Variants in SYT16 observed in about 807,000 individuals in gnomAD.
The protein encoded by SYT16 is synaptotagmin-16.
In SYT16, 42 loss-of-function variants were observed where a neutral mutation model predicts 61.4. The observed-to-expected ratio is 0.68, with a 90% CI of 0.53 to 0.89. The LOEUF (loss-of-function observed/expected upper bound fraction) is 0.89. Ranked by LOEUF, SYT16 falls within the 40% of genes least tolerant of loss-of-function variation. The probability of loss-of-function intolerance (pLI) is 0.00; values close to 1 mark genes in which losing one functional copy is unlikely to be tolerated. For synonymous variants in SYT16, 314 were observed against 302.3 expected (o/e 1.04, Z -0.40); for missense variants, 804 against 807.3 (o/e 1.00, Z 0.05).
At chr14:61,914,140 G>A (rs1252007303) in intron 1 of SYT16, among the ~76,000 whole-genome samples, 2 of 152,126 alleles carry the variant, frequency 1.3e-5, no homozygotes, top group African/African-American at 4.8e-5. Context: ...GTTTGGGATA[G>A]CATTAATTTC....
chr14:62,035,529 C>T (rs2054473905), intron 3 of SYT16, among the ~76,000 whole-genome samples: 1 of 152,062 alleles, frequency 6.6e-6, no homozygotes, highest in African/African-American at 2.4e-5. Flanking sequence ...ATATCAATTT[C>T]CAGGTTTAGG....
intron 1 of SYT16, among the ~76,000 whole-genome samples, chr14:61,821,860 C>T (rs553627724): frequency 6.6e-6 from 1 of 152,328 alleles, no homozygotes; most frequent in East Asian, 1.9e-4. Context: ...ATATCTACTT[C>T]TTCAATTAGA....
At chr14:61,907,893 C>T (rs149985083) in intron 1 of SYT16, among the ~76,000 whole-genome samples, 52 of 152,300 alleles carry the variant, frequency 3.4e-4, no homozygotes, top group African/African-American at 1.0e-3. Flanking sequence ...AGTGAGCTTA[C>T]GTCGTGTTCC....
chr14:62,036,255 A>T (rs946403482), intron 3 of SYT16, among the ~76,000 whole-genome samples: 3 of 152,156 alleles, frequency 2.0e-5, no homozygotes, highest in Admixed American at 2.0e-4. Flanking sequence ...GGGAGCAGAG[A>T]CATCCTGGGC....
intron 1 of SYT16, among the ~76,000 whole-genome samples, chr14:61,888,119 T>C (rs2047979197): frequency 1.4e-5 from 2 of 148,098 alleles, no homozygotes; most frequent in Non-Finnish European, 3.0e-5. Context: ...TAATTTCTTT[T>C]CTTTTCTTTT....
chr14:61,915,422 G>A (rs1411106257), intron 1 of SYT16, among the ~76,000 whole-genome samples: 1 of 151,932 alleles, frequency 6.6e-6, no homozygotes. Flanking sequence ...ATTCCCTACT[G>A]CCAGAAATTC....
intron 3 of SYT16, among the ~76,000 whole-genome samples, chr14:62,011,872 TATACAC>T (rs1347496054): frequency 5.2e-5 from 7 of 135,872 alleles, no homozygotes; most frequent in Admixed American, 2.9e-4. Context: ...GAACACTATA[TATACAC>T]ACACACACAC....
chr14:61,839,189 A>G (rs79541843), intron 1 of SYT16, among the ~76,000 whole-genome samples: 3,235 of 152,246 alleles, frequency 0.021, 62 homozygotes, highest in Admixed American at 0.037. Context: ...CATTATTGAG[A>G]TGTGTGGCCA....
rs1272956070 is a variant in SYT16, at chr14:62,107,341, G to A, written c.*6634G>A. On this transcript the variant is annotated 3_prime_UTR_variant, in exon 8 of 8. Coordinates refer to ENST00000683842, the MANE Select transcript of SYT16 (RefSeq NM_001367656.1). ...CCAGCTCCTCAGGAAGCTGAGGTGG[G>A]AGGATTGCTTGAACCTGTGAGGTCA... 1 of 152,122 alleles carries A rather than the reference G, an allele frequency of 6.6e-6. No individual in the cohort carries two copies. Among genetic ancestry groups the A allele is most frequent in the Non-Finnish European group, 1.5e-5 (1 of 68,120 alleles). 9.4% of individuals were successfully genotyped at this position (152,122 alleles called of 1,614,324 possible).
intron 3 of SYT16, among the ~76,000 whole-genome samples, chr14:62,052,939 C>G (rs980114062): frequency 3.9e-5 from 6 of 152,156 alleles, no homozygotes; most frequent in African/African-American, 1.4e-4. Context: ...TTTATAGCAG[C>G]ATGAAAGACA....
In SYT16 at chr14:62,110,645, GAAATA is replaced by G. The variant is rs2057591609; in HGVS notation, c.*9944_*9948del. The G allele has an allele frequency of 6.6e-6, 1 of 152,050 alleles. No homozygotes were observed. Among genetic ancestry groups the G allele is most frequent in the African/African-American group, 2.4e-5 (1 of 41,446 alleles). The allele number at this position is 152,050 out of a possible 1,614,324, so 9.4% of individuals were successfully genotyped here. On this transcript the variant is annotated 3_prime_UTR_variant, in exon 8 of 8. Coordinates refer to ENST00000683842, the MANE Select transcript of SYT16 (RefSeq NM_001367656.1). ...TAGCTGTTCTGTCTCTGAGGAGCTA[GAAATA>G]AAATATTAGGTTCTAATTTTTTTTT...
intron 1 of SYT16, among the ~76,000 whole-genome samples, chr14:61,923,262 C>T (rs946013666): frequency 6.6e-6 from 1 of 152,162 alleles, no homozygotes; most frequent in Non-Finnish European, 1.5e-5. Context: ...AACTCTCTCT[C>T]TCTACCTTTT....
chr14:61,970,922 C>T (rs537730468), intron 2 of SYT16, among the ~76,000 whole-genome samples: 35 of 134,798 alleles, frequency 2.6e-4, no homozygotes, highest in African/African-American at 7.8e-4. Context: ...ATCTTACAGA[C>T]GATAACTTTG....
At chr14:61,984,152 A>G (rs1477569430) in intron 2 of SYT16, among the ~76,000 whole-genome samples, 1 of 152,160 alleles carries the variant, frequency 6.6e-6, no homozygotes, top group African/African-American at 2.4e-5. Flanking sequence ...ATCTTCCCAA[A>G]TGCCTCCACC....
At chr14:61,898,108 C>T (rs548655836) in intron 1 of SYT16, among the ~76,000 whole-genome samples, 7 of 152,232 alleles carry the variant, frequency 4.6e-5, no homozygotes, top group Admixed American at 6.5e-5. Flanking sequence ...AGGAGTTGTC[C>T]GGGGCAAATT....
At chr14:62,080,286 T>C (rs1386019898) in intron 5 of SYT16, among the ~76,000 whole-genome samples, 1 of 152,256 alleles carries the variant, frequency 6.6e-6, no homozygotes, top group Non-Finnish European at 1.5e-5. Context: ...AATCCTCAGA[T>C]GATTTAGGTC....
intron 1 of SYT16, among the ~76,000 whole-genome samples, chr14:61,898,707 A>G (rs1455295693): frequency 6.6e-6 from 1 of 152,178 alleles, no homozygotes; most frequent in Admixed American, 6.5e-5. Flanking sequence ...TCCAGCCAGC[A>G]CAGGGGGATG....
At position 62,079,654 on chromosome 14, in the gene SYT16, T is replaced by C. The variant is rs17099493; in HGVS notation, c.994-1180T>C. Among the ~76,000 whole-genome samples the C allele has an allele frequency of 4.5e-3, 686 of 152,372 alleles. 6 individuals carry two copies. Among genetic ancestry groups the C allele is most frequent in the African/African-American group, 0.016 (651 of 41,594 alleles). On this transcript the variant is annotated intron_variant, in intron 5 of 7. Coordinates refer to ENST00000683842, the MANE Select transcript of SYT16 (RefSeq NM_001367656.1). ...ACGAGATCTCTAAATTAGCAAGTTC[T>C]GGTGTTCAATTGCATAAATAAGAAC...
intron 3 of SYT16, among the ~76,000 whole-genome samples, chr14:62,044,146 G>A (rs927458143): frequency 2.0e-5 from 3 of 151,448 alleles, no homozygotes; most frequent in Middle Eastern, 3.4e-3. Flanking sequence ...GCTGCAGTGA[G>A]CTATGATTGT....
Sources: gnomAD v4.1 joint callset for allele counts (sites outside exome capture counted in the v4.1 genomes callset) on GRCh38, gnomAD v4.1.1 for gene constraint, MANE v1.5 for transcripts, NCBI Gene and HGNC (gene_info 2026-07-23, HGNC 2026-07-21) for gene names.